Variants in ANK1 observed in about 807,000 individuals in gnomAD.
ANK1 encodes ankyrin 1, also known as ankyrin-1.
Under a neutral mutation model 210.4 loss-of-function variants are expected in ANK1, and 51 were observed. That is an observed-to-expected ratio of 0.24 (90% CI 0.19 to 0.31). ANK1 has a LOEUF of 0.31. ANK1 is among the 10% of genes least tolerant of loss of function. The pLI is 1.00. For synonymous variants in ANK1, 967 were observed against 1,025.9 expected (o/e 0.94, Z 1.10); for missense variants, 2,051 against 2,504.4 (o/e 0.82, Z 3.86).
rs767799501 is a variant in ANK1 at position 41,704,500 on chromosome 8, G to A, written c.2098-28C>T. ...GAAAAGCAGATGAGAAGGAGTGACC[G>A]GAGCTGTCCTGAGCTGGGCATCACA... On this transcript the variant is annotated intron_variant, in intron 18 of 42. Coordinates refer to ENST00000289734, the MANE Select transcript of ANK1 (RefSeq NM_000037.4). This position sits in a 1 kb window ranked among gnomAD's most constrained non-coding sequence, Gnocchi z 4.1. 2.1e-5 allele frequency: 33 copies of A among 1,585,970 alleles called. No individual in the cohort carries two copies. The highest frequency in any genetic ancestry group is 3.3e-4 in the Middle Eastern group (2 of 6,046).
chr8:41,896,378 G>C (rs770675493), exon 1 of ANK1: 2 of 1,600,536 alleles, frequency 1.2e-6, no homozygotes, highest in Non-Finnish European at 8.5e-7. Context: ...TCACGGGAGC[G>C]GTTTCTCCGC....
rs555535705 is a variant in ANK1 at position 41,672,663 on chromosome 8, G to C, written c.4787C>G (p.Thr1596Arg). 35 of 1,614,142 alleles carry C rather than the reference G, an allele frequency of 2.2e-5. No homozygotes were observed. The South Asian group carries it at 3.7e-4, about 17-fold the overall frequency. Residue 1596 changes from threonine to arginine, a missense_variant, in exon 38 of 43, where the codon ACA (threonine) becomes AGA (arginine). Transcript: ENST00000289734. ...ECSKAEDSDA[T>R]GHEWKLEGAL... is the part of the protein sequence containing the mutation. ...CCCCTCCAACTTCCACTCGTGACCT[G>C]TGGCATCAGAGTCCTCAGCCTTGCT... is the stretch of plus-strand genomic sequence containing the variant.
At chr8:41,862,682 G>T (rs1286954326) in intron 1 of ANK1, among the ~76,000 whole-genome samples, 1 of 147,742 alleles carries the variant, frequency 6.8e-6, no homozygotes, top group Non-Finnish European at 1.5e-5. Context: ...AAAAAAAAGG[G>T]AAAAACTAAA....
chr8:41,895,485 C>T (rs1486924574), intron 1 of ANK1, among the ~76,000 whole-genome samples: 1 of 152,082 alleles, frequency 6.6e-6, no homozygotes, highest in African/African-American at 2.4e-5. Flanking sequence ...GGTAAGAGGA[C>T]CCCAGACCCC....
chr8:41,706,561 A>C (rs983092609), intron 17 of ANK1, among the ~76,000 whole-genome samples: 3 of 152,238 alleles, frequency 2.0e-5, no homozygotes, highest in Admixed American at 2.0e-4. Context: ...CAAGTGGTGG[A>C]CCAGATTTGG....
intron 9 of ANK1, among the ~76,000 whole-genome samples, chr8:41,720,516 T>C (rs1239899417): frequency 6.6e-6 from 1 of 152,170 alleles, no homozygotes; most frequent in African/African-American, 2.4e-5. Context: ...CACTTAGACA[T>C]TAATTCAACA....
intron 12 of ANK1, 115 bp downstream of exon 12, chr8:41,717,489 G>C: frequency 2.0e-6 from 2 of 994,048 alleles, no homozygotes; most frequent in South Asian, 2.7e-5. Flanking sequence ...TGAAGCATTG[G>C]CTGTTCTGGG....
At chr8:41,840,636 T>A (rs1808714189) in intron 1 of ANK1, among the ~76,000 whole-genome samples, 1 of 152,164 alleles carries the variant, frequency 6.6e-6, no homozygotes, top group Non-Finnish European at 1.5e-5. Context: ...AGCTCTGGTG[T>A]CTCTTCGTCT....
intron 20 of ANK1, among the ~76,000 whole-genome samples, chr8:41,702,388 C>CA (rs1823093105): frequency 6.6e-6 from 1 of 152,050 alleles, no homozygotes; most frequent in African/African-American, 2.4e-5. Context: ...TCTGCAGCGT[C>CA]AAGTGTGGGG....
chr8:41,699,416 G>A lies in ANK1; in HGVS notation c.2558+36C>T, dbSNP rs764362449. The A allele has an allele frequency of 1.6e-5, 26 of 1,595,842 alleles. No homozygotes were observed. The Middle Eastern group carries it at 2.7e-3, about 163-fold the overall frequency. On this transcript the variant is annotated intron_variant, in intron 23 of 42. Coordinates refer to ENST00000289734, the MANE Select transcript of ANK1 (RefSeq NM_000037.4). ...GCTCTGAGCCACAGGGTTGCATCTC[G>A]GCACCCCCGGGGACCCTCCCGGGAG...
At chr8:41,673,003 C>T in intron 37 of ANK1, 91 bp from the exon 38 acceptor site, 3 of 1,342,308 alleles carry the variant, frequency 2.2e-6, no homozygotes, top group Non-Finnish European at 3.1e-6. Flanking sequence ...CGAACACACA[C>T]ATGCGGGTGC....
At chr8:41,800,707 C>T (rs1849728737), upstream of ANK1, among the ~76,000 whole-genome samples, 1 of 152,070 alleles carries the variant, frequency 6.6e-6, no homozygotes, top group Admixed American at 6.6e-5. Context: ...TATAGTTTTT[C>T]CACTTATGGT....
At chr8:41,863,523 T>A in intron 1 of ANK1, among the ~76,000 whole-genome samples, 1 of 152,234 alleles carries the variant, frequency 6.6e-6, no homozygotes, top group Non-Finnish European at 1.5e-5. Context: ...TTGCTAGGCA[T>A]CTTTGGCATG....
At chr8:41,728,191 G>T (rs1026769484) in intron 3 of ANK1, among the ~76,000 whole-genome samples, 185 bp from the exon 4 acceptor site, 1 of 152,120 alleles carries the variant, frequency 6.6e-6, no homozygotes, top group African/African-American at 2.4e-5. Context: ...GAAAGTACAG[G>T]GAGGAAGATC....
intron 3 of ANK1, among the ~76,000 whole-genome samples, chr8:41,729,464 C>T (rs891091896): frequency 6.6e-6 from 1 of 152,172 alleles, no homozygotes; most frequent in African/African-American, 2.4e-5. Context: ...CATCATAACT[C>T]ACTGCAGCCT....
intron 37 of ANK1, among the ~76,000 whole-genome samples, chr8:41,675,237 C>A (rs1813749857): frequency 6.6e-6 from 1 of 152,178 alleles, no homozygotes; most frequent in Non-Finnish European, 1.5e-5. Flanking sequence ...GCTGGGATTA[C>A]AGGTATGCGC....
chr8:41,832,745 A>G (rs1187457478), intron 1 of ANK1, among the ~76,000 whole-genome samples: 1 of 152,260 alleles, frequency 6.6e-6, no homozygotes, highest in Non-Finnish European at 1.5e-5. Flanking sequence ...TTTGAATTTC[A>G]GATAAAAAAT....
chr8:41,664,677 G>T, intron 39 of ANK1: 1 of 912,952 alleles, frequency 1.1e-6, no homozygotes. Flanking sequence ...GATCCCTGGG[G>T]GCCTCCTGGT....
At chr8:41,888,688 G>A (rs1001422026) in intron 1 of ANK1, among the ~76,000 whole-genome samples, 3 of 152,240 alleles carry the variant, frequency 2.0e-5, no homozygotes, top group African/African-American at 7.2e-5. Context: ...ATGATGTGGT[G>A]AACAGAGAAT....
Sources: allele counts gnomAD v4.1 joint callset (sites outside exome capture counted in the v4.1 genomes callset), GRCh38; gene constraint gnomAD v4.1.1; non-coding constraint Gnocchi (gnomAD v3.1); transcripts MANE v1.5; gene names NCBI Gene and HGNC (gene_info 2026-07-23, HGNC 2026-07-21).